PRIM2: variants seen among roughly 807,000 people sequenced by gnomAD.
PRIM2 encodes the protein DNA primase large subunit.
Under a neutral mutation model 67.3 loss-of-function variants are expected in PRIM2, and 39 were observed. The ratio of observed to expected loss-of-function variants is 0.58; its 90% CI spans 0.45 to 0.76. The LOEUF (loss-of-function observed/expected upper bound fraction) is 0.76, where lower values mean the gene tolerates loss of function less well. PRIM2 is among the 30% of genes least tolerant of loss of function. PRIM2 has a pLI of 0.00. For missense variants in PRIM2, 398 were observed against 598.7 expected (o/e 0.66, Z 3.50); for synonymous variants, 143 against 198.7 (o/e 0.72, Z 2.36).
intron 7 of PRIM2, among the ~76,000 whole-genome samples, chr6:57,401,966 C>A (rs920992954): frequency 1.3e-5 from 2 of 152,322 alleles, no homozygotes; most frequent in African/African-American, 4.8e-5. Flanking sequence ...GGCAGGGAGG[C>A]TTTCAGTTGC....
upstream of PRIM2, among the ~76,000 whole-genome samples, chr6:57,311,550 C>T (rs1008008584): frequency 3.9e-5 from 6 of 152,028 alleles, no homozygotes; most frequent in Non-Finnish European, 7.4e-5. Flanking sequence ...CTAGAGGGGG[C>T]GGCGGGGCAG....
chr6:57,585,330 G>T (rs1470750913), intron 10 of PRIM2, among the ~76,000 whole-genome samples: 2 of 152,208 alleles, frequency 1.3e-5, no homozygotes, highest in Non-Finnish European at 1.5e-5. Context: ...AAGTGGAGCT[G>T]TACATTACAG....
At chr6:57,531,547 G>A (rs1304501279) in intron 8 of PRIM2, among the ~76,000 whole-genome samples, 12 of 152,160 alleles carry the variant, frequency 7.9e-5, no homozygotes, top group Non-Finnish European at 1.8e-4. Flanking sequence ...CATGAGTAGT[G>A]TGTTGTGTGA....
intron 13 of PRIM2, among the ~76,000 whole-genome samples, chr6:57,637,665 A>G (rs1247776308): frequency 6.6e-6 from 1 of 152,186 alleles, no homozygotes; most frequent in Non-Finnish European, 1.5e-5. Context: ...GAGATTGAAG[A>G]TTAACTTAAT....
At chr6:57,395,474 G>A (rs1190488472) in intron 7 of PRIM2, among the ~76,000 whole-genome samples, 1 of 152,108 alleles carries the variant, frequency 6.6e-6, no homozygotes, top group Non-Finnish European at 1.5e-5. Flanking sequence ...AGCCTAGAAT[G>A]ATCTTTTGTA....
intron 11 of PRIM2, among the ~76,000 whole-genome samples, chr6:57,605,397 C>A (rs1776542237): frequency 6.6e-6 from 1 of 152,070 alleles, no homozygotes; most frequent in African/African-American, 2.4e-5. Flanking sequence ...GTGAATCTAC[C>A]TGGTCCAGGG....
At chr6:57,313,631 G>A (rs1767427619), upstream of PRIM2, among the ~76,000 whole-genome samples, 1 of 152,226 alleles carries the variant, frequency 6.6e-6, no homozygotes, top group Non-Finnish European at 1.5e-5. Flanking sequence ...CGAGAGGTAG[G>A]CAGTGAAATG....
chr6:57,423,968 T>C (rs1310154841), intron 7 of PRIM2, among the ~76,000 whole-genome samples: 1 of 152,242 alleles, frequency 6.6e-6, no homozygotes, highest in Non-Finnish European at 1.5e-5. Context: ...TGAGCACATG[T>C]ACCCTATTTC....
intron 8 of PRIM2, among the ~76,000 whole-genome samples, chr6:57,512,062 G>A (rs1296093098): frequency 3.3e-5 from 5 of 152,164 alleles, no homozygotes; most frequent in Non-Finnish European, 5.9e-5. Context: ...GGGCAGTGCG[G>A]GAGTTGGGAT....
chr6:57,244,536 G>A, the PRIM2 span, among the ~76,000 whole-genome samples: 9 of 152,250 alleles, frequency 5.9e-5, no homozygotes, highest in South Asian at 1.7e-3. Context: ...CAGGGCAGGT[G>A]GATCACCTGA....
the PRIM2 span, among the ~76,000 whole-genome samples, chr6:57,260,140 A>G: frequency 6.6e-6 from 1 of 152,218 alleles, no homozygotes; most frequent in South Asian, 2.1e-4. Flanking sequence ...AAGGGCAAAG[A>G]TATAGTATAG....
At chr6:57,617,279 C>T (rs1582022455) in intron 12 of PRIM2, among the ~76,000 whole-genome samples, 1 of 152,160 alleles carries the variant, frequency 6.6e-6, no homozygotes, top group Non-Finnish European at 1.5e-5. Flanking sequence ...GTCTAGTTTC[C>T]TCTTTTTAGG....
the PRIM2 span, among the ~76,000 whole-genome samples, chr6:57,248,138 CTT>C: frequency 6.6e-6 from 1 of 152,126 alleles, no homozygotes; most frequent in South Asian, 2.1e-4. Flanking sequence ...TTACATGTGA[CTT>C]TGAATTATAA....
At chr6:57,545,275 A>G (rs1432260738) in intron 10 of PRIM2, among the ~76,000 whole-genome samples, 4 of 152,068 alleles carry the variant, frequency 2.6e-5, no homozygotes, top group African/African-American at 9.7e-5. Context: ...GTGTATATGT[A>G]TATACATAGA....
At chr6:57,554,441 A>T (rs2127475968) in intron 10 of PRIM2, among the ~76,000 whole-genome samples, 2 of 149,720 alleles carry the variant, frequency 1.3e-5, no homozygotes, top group Non-Finnish European at 1.5e-5. Flanking sequence ...TAATTTTAGT[A>T]CACTAGGGAT....
intron 7 of PRIM2, among the ~76,000 whole-genome samples, chr6:57,474,454 G>A (rs1221268068): frequency 6.6e-6 from 1 of 152,024 alleles, no homozygotes; most frequent in African/African-American, 2.4e-5. Context: ...GATTACAGGC[G>A]TGAGCCACCG....
intron 7 of PRIM2, chr6:57,383,643 A>T (rs1042893792): frequency 4.6e-5 from 7 of 151,300 alleles, no homozygotes; most frequent in African/African-American, 1.7e-4. Context: ...ATATTGTTGT[A>T]ACTGAATGTG....
At chr6:57,427,800 G>A (rs1234970156) in intron 7 of PRIM2, among the ~76,000 whole-genome samples, 17 of 152,120 alleles carry the variant, frequency 1.1e-4, no homozygotes, top group Admixed American at 1.0e-3. Context: ...GCAGAAAATT[G>A]GTGAGATCAG....
the PRIM2 span, among the ~76,000 whole-genome samples, chr6:57,227,201 A>T: frequency 2.6e-5 from 4 of 152,298 alleles, no homozygotes; most frequent in South Asian, 4.1e-4. Context: ...GACTTTTGAG[A>T]ACTTCGCTCA....
Sources: allele counts gnomAD v4.1 joint callset (sites outside exome capture counted in the v4.1 genomes callset), GRCh38; gene constraint gnomAD v4.1.1; transcripts MANE v1.5; gene names NCBI Gene and HGNC (gene_info 2026-07-23, HGNC 2026-07-21).